The following NCEH1 variants were observed in gnomAD, a reference collection of about 807,000 sequenced individuals.
NCEH1 encodes the protein 2-acetyl MAGE hydrolase.
NCEH1 carries 9 observed loss-of-function variants against 25.4 expected under a neutral mutation model. The observed-to-expected ratio is 0.35, with a 90% CI of 0.21 to 0.62. NCEH1 has a LOEUF of 0.62. NCEH1 is among the 20% of genes least tolerant of loss of function. The pLI, the probability that NCEH1 is intolerant of heterozygous loss-of-function variation, is 0.72. For missense variants in NCEH1, 412 were observed against 501.1 expected (o/e 0.82, Z 1.70); for synonymous variants, 200 against 199.8 (o/e 1.00, Z -0.01).
intron 4 of NCEH1, 146 bp from the exon 5 acceptor site, chr3:172,634,238 A>T: frequency 1.3e-6 from 1 of 769,890 alleles, no homozygotes; most frequent in Non-Finnish European, 2.0e-6. Context: ...TAAATAATAA[A>T]GTTTAAAAAA....
At chr3:172,693,520 A>G (rs1007331624) in intron 1 of NCEH1, among the ~76,000 whole-genome samples, 1 of 152,004 alleles carries the variant, frequency 6.6e-6, no homozygotes, top group Admixed American at 6.6e-5. Context: ...ATATTTAACC[A>G]CTCATAATAC....
intron 1 of NCEH1, among the ~76,000 whole-genome samples, chr3:172,680,249 T>C (rs1260072590): frequency 6.6e-6 from 1 of 152,216 alleles, no homozygotes; most frequent in Non-Finnish European, 1.5e-5. Context: ...GTGAGGCATC[T>C]TGGGGCAACA....
chr3:172,697,279 T>C (rs1278034518), intron 1 of NCEH1, among the ~76,000 whole-genome samples: 1 of 152,112 alleles, frequency 6.6e-6, no homozygotes, highest in Admixed American at 6.5e-5. Flanking sequence ...AGGTTGTCAC[T>C]GTAGCTATAG....
Position 172,711,053 on chromosome 3 carries a change from C to T in NCEH1, c.-69G>A. On this transcript the variant is annotated 5_prime_UTR_variant, in exon 1 of 5. Transcript: ENST00000475381. ...GGCGATACCACCCGGAGACCTCCGG[C>T]AACTTTCTGCCCGCGGCAGCTGCTC... is the stretch of plus-strand genomic sequence containing the variant. 6.2e-7 allele frequency: 1 copy of T among 1,609,838 alleles called. No individual in the cohort carries two copies. Among genetic ancestry groups the T allele is most frequent in the Non-Finnish European group, 8.5e-7 (1 of 1,176,876 alleles).
intron 2 of NCEH1, among the ~76,000 whole-genome samples, chr3:172,646,648 AG>A (rs1717133921): frequency 6.6e-6 from 1 of 152,146 alleles, no homozygotes; most frequent in Non-Finnish European, 1.5e-5. Flanking sequence ...TAGAATCGGA[AG>A]CTTAAGAATT....
At chr3:172,690,250 G>A (rs1021371854) in intron 1 of NCEH1, among the ~76,000 whole-genome samples, 5 of 152,076 alleles carry the variant, frequency 3.3e-5, no homozygotes, top group Admixed American at 1.3e-4. Context: ...GAGTATGAAC[G>A]CAGGAATTAT....
chr3:172,636,996 CA>C (rs1716624917), intron 3 of NCEH1, among the ~76,000 whole-genome samples: 1 of 152,178 alleles, frequency 6.6e-6, no homozygotes, highest in Non-Finnish European at 1.5e-5. Context: ...GTCATATCTC[CA>C]CTTGCTTTTG....
At chr3:172,642,602 A>AG (rs1560180523) in intron 3 of NCEH1, among the ~76,000 whole-genome samples, 1 of 117,632 alleles carries the variant, frequency 8.5e-6, no homozygotes, top group African/African-American at 3.1e-5. Context: ...TGCTATTTCT[A>AG]CAAAAAAAAA....
chr3:172,682,420 A>G (rs892962165), intron 1 of NCEH1, among the ~76,000 whole-genome samples: 1 of 152,178 alleles, frequency 6.6e-6, no homozygotes, highest in Non-Finnish European at 1.5e-5. Flanking sequence ...CCTGTTACGT[A>G]TAAGTCCTGG....
intron 1 of NCEH1, among the ~76,000 whole-genome samples, chr3:172,679,706 G>C (rs112943235): frequency 2.0e-5 from 3 of 152,164 alleles, no homozygotes; most frequent in African/African-American, 4.8e-5. Flanking sequence ...GTGGCTTAAA[G>C]GGCCAGGCCA....
intron 1 of NCEH1, among the ~76,000 whole-genome samples, chr3:172,651,074 G>A (rs767920738): frequency 2.6e-5 from 4 of 152,134 alleles, no homozygotes; most frequent in Non-Finnish European, 5.9e-5. Flanking sequence ...AGCTATCACT[G>A]CCTGAGTGCC....
chr3:172,677,320 G>A (rs1267964839), intron 1 of NCEH1, among the ~76,000 whole-genome samples: 1 of 152,170 alleles, frequency 6.6e-6, no homozygotes, highest in Non-Finnish European at 1.5e-5. Flanking sequence ...AAAGATACAA[G>A]GGGAATGATG....
At chr3:172,700,000 A>G (rs1166547065) in intron 1 of NCEH1, among the ~76,000 whole-genome samples, 2 of 152,244 alleles carry the variant, frequency 1.3e-5, no homozygotes, top group African/African-American at 4.8e-5. Context: ...ATCTGTGTTT[A>G]ATAACAATGA....
At position 172,710,903 on chromosome 3, in the gene NCEH1, A is replaced by C; in HGVS notation, c.82T>G (p.Ser28Ala). The C allele has an allele frequency of 6.2e-7, 1 of 1,614,130 alleles. No homozygotes were observed. The highest frequency in any genetic ancestry group is 1.1e-5 in the South Asian group (1 of 91,084). ...YVYIPLPGSVSDPWKLMLLDA... is the reference protein window; with the variant it reads ...YVYIPLPGSVADPWKLMLLDA... ...AGCAGCATCAGCTTCCAGGGGTCGG[A>C]CACGGAGCCAGGCAGCGGGATGTAG... Residue 28 changes from serine (S) to alanine (A), a missense_variant, in exon 1 of 5, where the codon TCC becomes GCC. Around this residue, in one of 3 missense-constraint regions of NCEH1, gnomAD observed 178 missense variants for 189.2 expected, o/e 0.94. Coordinates refer to ENST00000475381, the MANE Select transcript of NCEH1 (RefSeq NM_020792.6).
intron 3 of NCEH1, among the ~76,000 whole-genome samples, chr3:172,638,725 T>C (rs1482843194): frequency 1.3e-5 from 2 of 152,206 alleles, no homozygotes; most frequent in African/African-American, 4.8e-5. Context: ...ACATATCCAC[T>C]AGCATCCATA....
chr3:172,700,001 A>G (rs776877825), intron 1 of NCEH1, among the ~76,000 whole-genome samples: 15 of 152,242 alleles, frequency 9.9e-5, no homozygotes, highest in Admixed American at 3.3e-4. Context: ...TCTGTGTTTA[A>G]TAACAATGAT....
intron 1 of NCEH1, among the ~76,000 whole-genome samples, chr3:172,680,398 C>A (rs546216948): frequency 6.6e-4 from 100 of 152,308 alleles, no homozygotes; most frequent in African/African-American, 2.4e-3. Context: ...AAGCCCCCCT[C>A]CCCCTACTAC....
At chr3:172,664,441 G>T (rs566124295) in intron 1 of NCEH1, among the ~76,000 whole-genome samples, 6 of 152,140 alleles carry the variant, frequency 3.9e-5, no homozygotes, top group Admixed American at 3.9e-4. Context: ...ATGTGTCTTG[G>T]GGTTGCTCTT....
intron 1 of NCEH1, among the ~76,000 whole-genome samples, chr3:172,684,452 T>G (rs1285834753): frequency 6.6e-6 from 1 of 151,754 alleles, no homozygotes; most frequent in East Asian, 1.9e-4. Context: ...AATGGCTCAC[T>G]AAAGTGCAAT....
Sources: allele counts gnomAD v4.1 joint callset (sites outside exome capture counted in the v4.1 genomes callset), GRCh38; gene constraint gnomAD v4.1.1; regional missense constraint gnomAD v4.1.1; transcripts MANE v1.5; gene names NCBI Gene and HGNC (gene_info 2026-07-23, HGNC 2026-07-21).